FGA: variants seen among roughly 807,000 people sequenced by gnomAD.
FGA encodes the protein fibrinogen, A alpha polypeptide.
Under a neutral mutation model 20.3 loss-of-function variants are expected in FGA, and 20 were observed. The ratio of observed to expected loss-of-function variants is 0.99; its 90% CI spans 0.69 to 1.43. FGA has a LOEUF of 1.43. FGA is among the 40% of genes most tolerant of loss of function. FGA has a pLI of 0.00. For synonymous variants in FGA, 306 were observed against 281.6 expected (o/e 1.09, Z -0.87); for missense variants, 777 against 784.7 (o/e 0.99, Z 0.12).
At chr4:154,584,256 A>T, downstream of FGA, 1 of 1,614,126 alleles carries the variant, frequency 6.2e-7, no homozygotes, top group South Asian at 1.1e-5. Context: ...AGGAGCCCCC[A>T]GGGTAGTAGA....
downstream of FGA, chr4:154,585,270 A>G (rs1281593324): frequency 1.0e-5 from 14 of 1,355,642 alleles, no homozygotes; most frequent in Non-Finnish European, 1.2e-5. Context: ...AGAGTTTCAG[A>G]GGAATTCATT....
Position 154,586,430 on chromosome 4 carries a change from G to A in FGA, c.999C>T (p.Ser333=). 1.2e-6 allele frequency: 2 copies of A among 1,611,530 alleles called. No individual in the cohort carries two copies. The highest frequency in any genetic ancestry group is 1.7e-6 in the Non-Finnish European group (2 of 1,178,632). Reference sequence around the variant, plus strand: ...CAGTTCCAGAGCTCCCAGAGTTCCAGCTTCCAGTACTTCCAGGTCCAGAGC... The same window carrying A: ...CAGTTCCAGAGCTCCCAGAGTTCCAACTTCCAGTACTTCCAGGTCCAGAGC... ...PGSSGPGSTG[S]WNSGSSGTGS... Residue 333 remains serine (S), a synonymous_variant, in exon 5 of 5, where the codon AGC becomes AGT. Transcript: ENST00000403106.
chr4:154,584,636 C>T (rs771023837), downstream of FGA: 15 of 1,613,992 alleles, frequency 9.3e-6, no homozygotes, highest in Admixed American at 3.3e-5. Flanking sequence ...TTCAGGCTGC[C>T]GAAACCTCTC....
Position 154,585,814 on chromosome 4 carries a change from C to T in FGA, c.1615G>A (p.Glu539Lys), listed in dbSNP as rs1190260696. ...CTAGACTCAGTCTCACTGACAAACT[C>T]TCCTAACATAGGTGAGAAGAAACCT... ...FPGFFSPMLG[E>K]FVSETESRGS... Residue 539 changes from glutamate to lysine, a missense_variant, in exon 5 of 5, where the codon GAG becomes AAG. Transcript: ENST00000403106. 6 of 1,614,044 alleles carry T rather than the reference C, an allele frequency of 3.7e-6. No homozygotes were observed. Among genetic ancestry groups the T allele is most frequent in the Non-Finnish European group, 5.1e-6 (6 of 1,180,024 alleles).
chr4:154,589,564 T>A lies in FGA; in HGVS notation c.55-2A>T, dbSNP rs113502227. The A allele has an allele frequency of 6.2e-7, 1 of 1,612,826 alleles. No individual in the cohort carries two copies. The highest frequency in any genetic ancestry group is 8.5e-7 in the Non-Finnish European group (1 of 1,179,960). On this transcript the variant is annotated splice_acceptor_variant, in intron 1 of 4. Coordinates refer to ENST00000403106, the MANE Select transcript of FGA (RefSeq NM_021871.4). LOFTEE classifies it high-confidence loss of function. ...GTCACCTTCACCACTATCTGCAGTC[T>A]TTAAAGATTCATTCACATACACAAA...
rs368446857 is a variant in FGA, at chr4:154,587,572, C to G, written c.450G>C (p.Gln150His). Reference protein sequence around the residue: ...VLKRKVIEKVQHIQLLQKNVR... With the variant: ...VLKRKVIEKVHHIQLLQKNVR... ...CATTTTTCTGCAGAAGCTGGATATG[C>G]TGTACTTTTTCTATGACTTTGCGCT... The change falls in exon 4 of 5, where the codon CAG (glutamine) becomes CAC (histidine). Residue 150 changes from glutamine (Q) to histidine (H), a missense_variant. Coordinates refer to ENST00000403106, the MANE Select transcript of FGA (RefSeq NM_021871.4). 6 of 1,613,844 alleles carry G rather than the reference C, an allele frequency of 3.7e-6. 1 individual carries two copies. Among genetic ancestry groups the G allele is most frequent in the Non-Finnish European group, 3.4e-6 (4 of 1,179,936 alleles).
chr4:154,588,383 A>C (rs1037175220), intron 3 of FGA, among the ~76,000 whole-genome samples: 2 of 152,178 alleles, frequency 1.3e-5, no homozygotes, highest in Non-Finnish European at 2.9e-5. Context: ...CTACCTAATC[A>C]GCTCAGTGGA....
intron 3 of FGA, 25 bp downstream of exon 3, chr4:154,588,767 CA>C: frequency 6.6e-7 from 1 of 1,526,650 alleles, no homozygotes; most frequent in Non-Finnish European, 9.1e-7. Flanking sequence ...GTTATAAAGT[CA>C]AAGCAGTAAA....
Position 154,587,531 on chromosome 4 carries a change from A to G in FGA, c.491T>C (p.Val164Ala). 1 of 1,613,948 alleles carries G rather than the reference A, an allele frequency of 6.2e-7. No individual in the cohort carries two copies. Among genetic ancestry groups the G allele is most frequent in the South Asian group, 1.1e-5 (1 of 91,068 alleles). Reference protein sequence around the residue: ...LLQKNVRAQLVDMKRLEVDID... With the variant: ...LLQKNVRAQLADMKRLEVDID... Reference sequence around the variant, plus strand: ...ACTTACCTCCAGTCGTTTCATATCAACCAACTGAGCTCTAACATTTTTCTG... The same window carrying G: ...ACTTACCTCCAGTCGTTTCATATCAGCCAACTGAGCTCTAACATTTTTCTG... Residue 164 changes from valine (V) to alanine (A), a missense_variant, in exon 4 of 5, where the codon GTT becomes GCT. By Grantham distance (64) the Val-to-Ala change is moderately conservative (BLOSUM62 0). Transcript: ENST00000403106.
chr4:154,587,799 G>GAAAGAAAGAAAT, intron 3 of FGA, 142 bp from the exon 4 acceptor site: 1 of 682,874 alleles, frequency 1.5e-6, no homozygotes, highest in Non-Finnish European at 2.4e-6. Context: ...AAGAAAGAAA[G>GAAAGAAAGAAAT]AAAGAGAAAA....
chr4:154,589,661 C>T, intron 1 of FGA, 99 bp from the exon 2 acceptor site: 1 of 1,327,888 alleles, frequency 7.5e-7, no homozygotes, highest in East Asian at 2.3e-5. Context: ...AGAGATGGCA[C>T]TCTCACAGAG....
downstream of FGA, chr4:154,583,878 C>T (rs1323466633): frequency 4.0e-6 from 2 of 503,178 alleles, no homozygotes; most frequent in East Asian, 3.8e-5. Context: ...TACTGAATGG[C>T]CCTTGGTATA....
intron 3 of FGA, 142 bp from the exon 4 acceptor site, chr4:154,587,799 G>GAA (rs1246706671): frequency 2.9e-6 from 2 of 682,838 alleles, no homozygotes; most frequent in African/African-American, 3.8e-5. Context: ...AAGAAAGAAA[G>GAA]AAAGAGAAAA....
chr4:154,583,976 A>G (rs2110804235), downstream of FGA: 3 of 689,040 alleles, frequency 4.4e-6, no homozygotes, highest in East Asian at 7.9e-5. Context: ...AATATGTCTC[A>G]GGTACATTTA....
chr4:154,585,893 C>A lies in FGA; in HGVS notation c.1536G>T (p.Arg512Ser). 1 of 1,613,986 alleles carries A rather than the reference C, an allele frequency of 6.2e-7. No homozygotes were observed. The highest frequency in any genetic ancestry group is 1.7e-5 in the Admixed American group (1 of 60,026). Residue 512 changes from arginine (R) to serine (S), a missense_variant, in exon 5 of 5, where the codon AGG (arginine) becomes AGT (serine). Arg to Ser is a moderately radical substitution (Grantham distance 110). Transcript: ENST00000403106. Reference sequence around the variant, plus strand: ...CGAAGAAGGCAGCTTCATCAGGGTGCCTATGGCGGAACCCATCCAGAGTAC... The same window carrying A: ...CGAAGAAGGCAGCTTCATCAGGGTGACTATGGCGGAACCCATCCAGAGTAC... ...GIGTLDGFRH[R>S]HPDEAAFFDT...
chr4:154,584,276 G>C, downstream of FGA: 7 of 1,614,102 alleles, frequency 4.3e-6, no homozygotes, highest in Non-Finnish European at 5.9e-6. Flanking sequence ...ATTCCATTGA[G>C]ATTGGCTGCT....
At chr4:154,586,997 A>G in intron 4 of FGA, 79 bp from the exon 5 acceptor site, 3 of 1,443,018 alleles carry the variant, frequency 2.1e-6, no homozygotes, top group South Asian at 1.2e-5. Context: ...CTGGTAGTTA[A>G]TTTTCCTTCT....
intron 2 of FGA, 100 bp from the exon 3 acceptor site, chr4:154,589,076 C>T: frequency 9.6e-7 from 1 of 1,037,170 alleles, no homozygotes; most frequent in South Asian, 1.3e-5. Flanking sequence ...TACCCTATCT[C>T]TTCCAGATAA....
Position 154,586,334 on chromosome 4 carries a change from A to G in FGA, c.1095T>C (p.Ser365=). ...TCCAGTGCCCAGCACTTCCGCGTTC[A>G]GAGCTGCCAGGATTCCAGGTTCCGG... ...GSTGTWNPGS[S]ERGSAGHWTS... The change falls in exon 5 of 5, where the codon TCT becomes TCC. Residue 365 remains serine, a synonymous_variant. Transcript: ENST00000403106. The G allele has an allele frequency of 6.2e-7, 1 of 1,614,220 alleles. No individual in the cohort carries two copies. The highest frequency in any genetic ancestry group is 8.5e-7 in the Non-Finnish European group (1 of 1,180,024).
Sources: allele counts gnomAD v4.1 joint callset (sites outside exome capture counted in the v4.1 genomes callset), GRCh38; gene constraint gnomAD v4.1.1; transcripts MANE v1.5; gene names NCBI Gene and HGNC (gene_info 2026-07-23, HGNC 2026-07-21).